The following QRICH1 variants were observed in gnomAD, a reference collection of about 807,000 sequenced individuals.
QRICH1 encodes the protein glutamine rich 1.
QRICH1 carries 16 observed loss-of-function variants against 87.1 expected under a neutral mutation model. The ratio of observed to expected loss-of-function variants is 0.18; its 90% CI spans 0.12 to 0.28. The LOEUF (loss-of-function observed/expected upper bound fraction) is 0.28, where lower values mean the gene tolerates loss of function less well. Ranked by LOEUF, QRICH1 falls within the 10% of genes least tolerant of loss-of-function variation. The probability of loss-of-function intolerance (pLI) is 1.00; values close to 1 mark genes in which losing one functional copy is unlikely to be tolerated. For synonymous variants in QRICH1, 367 were observed against 368.4 expected (o/e 1.00, Z 0.05); for missense variants, 647 against 951.7 (o/e 0.68, Z 4.21).
intron 1 of QRICH1, among the ~76,000 whole-genome samples, chr3:49,091,128 C>G (rs1274606923): frequency 1.3e-5 from 2 of 152,160 alleles, no homozygotes; most frequent in African/African-American, 4.8e-5. Flanking sequence ...GAGGCTGAGG[C>G]AGGAGAATGG....
intron 1 of QRICH1, chr3:49,092,393 T>G (rs969666086): frequency 2.0e-5 from 3 of 152,106 alleles, no homozygotes; most frequent in African/African-American, 7.2e-5. Context: ...CAATTTTAAC[T>G]CACCAGTCAC....
At chr3:49,067,383 T>C (rs1333456095) in intron 2 of QRICH1, among the ~76,000 whole-genome samples, 1 of 149,092 alleles carries the variant, frequency 6.7e-6, no homozygotes, top group African/African-American at 2.5e-5. Context: ...CTGGCTAACA[T>C]GGTGAAACCC....
intron 2 of QRICH1, among the ~76,000 whole-genome samples, chr3:49,063,794 C>T (rs1001936626): frequency 2.6e-5 from 4 of 152,062 alleles, no homozygotes; most frequent in Non-Finnish European, 5.9e-5. Flanking sequence ...ACTCTAACAC[C>T]AAAAAACTTG....
At chr3:49,045,897 AT>A (rs1029036645) in intron 5 of QRICH1, among the ~76,000 whole-genome samples, 1 of 147,198 alleles carries the variant, frequency 6.8e-6, no homozygotes, top group Non-Finnish European at 1.5e-5. Flanking sequence ...CCTGGCTCTT[AT>A]TTTTTTTCTT....
At chr3:49,066,711 G>C (rs912254334) in intron 2 of QRICH1, among the ~76,000 whole-genome samples, 9 of 152,084 alleles carry the variant, frequency 5.9e-5, no homozygotes, top group Non-Finnish European at 1.0e-4. Flanking sequence ...CTTTTAAAAT[G>C]AGTTATTATC....
intron 3 of QRICH1, among the ~76,000 whole-genome samples, chr3:49,050,140 T>C (rs1473384731): frequency 6.6e-6 from 1 of 151,140 alleles, no homozygotes; most frequent in Non-Finnish European, 1.5e-5. Context: ...ATCGAGCTAC[T>C]TGGGAGGCTG....
chr3:49,058,362 T>C (rs1421669869), intron 2 of QRICH1, among the ~76,000 whole-genome samples: 5 of 152,108 alleles, frequency 3.3e-5, no homozygotes, highest in Non-Finnish European at 7.4e-5. Context: ...ATTCTCATTG[T>C]GTCGCCCAGG....
intron 3 of QRICH1, among the ~76,000 whole-genome samples, chr3:49,056,344 T>C (rs371963301): frequency 6.6e-6 from 1 of 152,300 alleles, no homozygotes; most frequent in East Asian, 1.9e-4. Flanking sequence ...CCAATGGTGA[T>C]CACTTTTAAC....
At chr3:49,045,901 T>G (rs1157758452) in intron 5 of QRICH1, among the ~76,000 whole-genome samples, 1 of 150,962 alleles carries the variant, frequency 6.6e-6, no homozygotes, top group Non-Finnish European at 1.5e-5. Context: ...GCTCTTATTT[T>G]TTTTCTTTTC....
At chr3:49,030,711 C>T in intron 9 of QRICH1, 67 bp from the exon 10 acceptor site, 3 of 1,353,556 alleles carry the variant, frequency 2.2e-6, no homozygotes. Context: ...CCTGAACTTC[C>T]CAGACAGATG....
intron 1 of QRICH1, among the ~76,000 whole-genome samples, chr3:49,086,089 A>T (rs1306106941): frequency 1.3e-5 from 2 of 151,838 alleles, no homozygotes; most frequent in Non-Finnish European, 2.9e-5. Context: ...TGAGGTCTGT[A>T]AACAAGCATT....
Position 49,032,631 on chromosome 3 carries a change from C to A in QRICH1, c.2038G>T (p.Gly680Cys), listed in dbSNP as rs763228172. The A allele has an allele frequency of 2.3e-5, 37 of 1,583,802 alleles. No homozygotes were observed. The highest frequency in any genetic ancestry group is 2.9e-5 in the Non-Finnish European group (34 of 1,165,038). Residue 680 changes from glycine to cysteine, a missense_variant, in exon 8 of 10, where the codon GGC (glycine) becomes TGC (cysteine). Transcript: ENST00000395443. Reference protein sequence around the residue: ...YLKALGIHQTGQKVTDDMYAE... With the variant: ...YLKALGIHQTCQKVTDDMYAE... Reference sequence around the variant, plus strand: ...TGCCTCCTTTCCCTACCTTTCTGGCCAGTCTGGTGTATTCCAAGGGCCTTC... The same window carrying A: ...TGCCTCCTTTCCCTACCTTTCTGGCAAGTCTGGTGTATTCCAAGGGCCTTC...
At chr3:49,093,088 G>A (rs773211952) in intron 1 of QRICH1, among the ~76,000 whole-genome samples, 5 of 152,206 alleles carry the variant, frequency 3.3e-5, no homozygotes, top group Non-Finnish European at 5.9e-5. Flanking sequence ...AGTTTCTAAT[G>A]AAAGATAAGC....
chr3:49,039,513 T>C (rs1281603288), intron 6 of QRICH1, among the ~76,000 whole-genome samples: 1 of 146,842 alleles, frequency 6.8e-6, no homozygotes, highest in Non-Finnish European at 1.5e-5. Flanking sequence ...TAATCCCAGC[T>C]ACTCGGAGGC....
chr3:49,066,766 G>A (rs1230556746), intron 2 of QRICH1, among the ~76,000 whole-genome samples: 9 of 152,146 alleles, frequency 5.9e-5, no homozygotes, highest in Admixed American at 5.9e-4. Context: ...GGCCAAGTGA[G>A]GTGGGTCATG....
Position 49,029,925 on chromosome 3 carries a change from G to A in QRICH1, c.*527C>T, listed in dbSNP as rs139516924. ...ATCTAAAATGTCACTTGTCATAAAG[G>A]AGGGTGTAATAGAAATTGTCTTTAA... On this transcript the variant is annotated 3_prime_UTR_variant, in exon 10 of 10. Coordinates refer to ENST00000395443, the MANE Select transcript of QRICH1 (RefSeq NM_198880.3). The A allele has an allele frequency of 1.1e-5, 2 of 174,400 alleles. No individual in the cohort carries two copies. The highest frequency in any genetic ancestry group is 4.8e-5 in the African/African-American group (2 of 41,964). 10.8% of individuals were successfully genotyped at this position (174,400 alleles called of 1,614,324 possible). A position where few individuals can be genotyped will look rare whatever the true frequency, so the allele number is the denominator to read the frequency against.
At chr3:49,089,685 G>A (rs1404366252) in intron 1 of QRICH1, among the ~76,000 whole-genome samples, 1 of 152,166 alleles carries the variant, frequency 6.6e-6, no homozygotes, top group Non-Finnish European at 1.5e-5. Flanking sequence ...TGCACACAAT[G>A]TGAACAAATT....
intron 2 of QRICH1, among the ~76,000 whole-genome samples, chr3:49,075,820 T>C (rs903187685): frequency 6.6e-6 from 1 of 151,954 alleles, no homozygotes; most frequent in African/African-American, 2.4e-5. Flanking sequence ...TGCACACCTG[T>C]AGTCCCAGCT....
chr3:49,077,909 A>C (rs2041981801), intron 1 of QRICH1, among the ~76,000 whole-genome samples: 1 of 152,182 alleles, frequency 6.6e-6, no homozygotes, highest in Non-Finnish European at 1.5e-5. Context: ...AAATTCTACA[A>C]GTTTTCATCA....
Sources: allele counts gnomAD v4.1 joint callset (sites outside exome capture counted in the v4.1 genomes callset), GRCh38; gene constraint gnomAD v4.1.1; transcripts MANE v1.5; gene names NCBI Gene and HGNC (gene_info 2026-07-23, HGNC 2026-07-21).